Variants in COPG2 observed in about 807,000 individuals in gnomAD.
The protein encoded by COPG2 is coat protein complex I subunit gamma 2.
Under a neutral mutation model 46.3 loss-of-function variants are expected in COPG2, and 37 were observed. That is an observed-to-expected ratio of 0.80 (90% CI 0.61 to 1.05). COPG2 has a LOEUF of 1.05. COPG2 is among the 50% of genes least tolerant of loss of function. The probability of loss-of-function intolerance (pLI) is 0.00; values close to 1 mark genes in which losing one functional copy is unlikely to be tolerated. For synonymous variants in COPG2, 159 were observed against 129.7 expected (o/e 1.23, Z -1.53); for missense variants, 427 against 387.8 (o/e 1.10, Z -0.85).
At chr7:130,554,945 T>C (rs1303105575) in intron 13 of COPG2, 92 bp downstream of exon 13, 14 of 397,658 alleles carry the variant, frequency 3.5e-5, no homozygotes, top group Non-Finnish European at 5.8e-5. Context: ...CATACTGAGA[T>C]GATAAGGAAA....
chr7:130,638,669 G>T (rs1399079291), intron 5 of COPG2, among the ~76,000 whole-genome samples: 4 of 152,150 alleles, frequency 2.6e-5, no homozygotes, highest in Non-Finnish European at 5.9e-5. Flanking sequence ...TGGGCTCCGT[G>T]GGGGTGGGAT....
intron 9 of COPG2, among the ~76,000 whole-genome samples, chr7:130,600,078 T>G (rs1407285848): frequency 7.9e-5 from 12 of 152,326 alleles, no homozygotes; most frequent in Admixed American, 7.8e-4. Context: ...ATTTCTCAGT[T>G]TCTGAGACAG....
chr7:130,633,200 A>G (rs1211548707), intron 5 of COPG2, among the ~76,000 whole-genome samples: 1 of 152,206 alleles, frequency 6.6e-6, no homozygotes, highest in Admixed American at 6.5e-5. Context: ...TGCTGCAATA[A>G]ACATACATGT....
chr7:130,530,771 G>A (rs1430007681), intron 20 of COPG2, among the ~76,000 whole-genome samples: 14 of 152,136 alleles, frequency 9.2e-5, no homozygotes, highest in Admixed American at 6.5e-4. Context: ...AAGACAGACA[G>A]GGTGGAGGGG....
intron 9 of COPG2, among the ~76,000 whole-genome samples, chr7:130,582,651 G>GAA (rs1230306126): frequency 9.5e-6 from 1 of 105,042 alleles, no homozygotes; most frequent in African/African-American, 3.3e-5. Context: ...AAATTTACAA[G>GAA]AAAAAAACAA....
At chr7:130,580,296 A>G (rs1376224684) in intron 9 of COPG2, among the ~76,000 whole-genome samples, 7 of 146,586 alleles carry the variant, frequency 4.8e-5, no homozygotes, top group Admixed American at 3.4e-4. Flanking sequence ...TTTGAAACCA[A>G]CGAGAACAAA....
chr7:130,649,420 C>T (rs1795686503), intron 5 of COPG2, among the ~76,000 whole-genome samples: 1 of 152,166 alleles, frequency 6.6e-6, no homozygotes, highest in Admixed American at 6.5e-5. Flanking sequence ...CAAAAAGAAA[C>T]TAGGCCATAA....
intron 23 of COPG2, 53 bp downstream of exon 23, chr7:130,507,221 T>TATTA: frequency 1.3e-6 from 1 of 778,480 alleles, no homozygotes; most frequent in Non-Finnish European, 2.4e-6. Flanking sequence ...ATCTATATCC[T>TATTA]ATTATTAAGC....
At chr7:130,625,826 GA>G (rs1268184290) in intron 5 of COPG2, among the ~76,000 whole-genome samples, 1 of 151,104 alleles carries the variant, frequency 6.6e-6, no homozygotes, top group Non-Finnish European at 1.5e-5. Context: ...GCTTTCTTTT[GA>G]ATTACTTTGT....
intron 20 of COPG2, among the ~76,000 whole-genome samples, chr7:130,530,861 G>A (rs1799818060): frequency 6.6e-6 from 1 of 151,788 alleles, no homozygotes. Flanking sequence ...GAGGTGAAGG[G>A]GCAGGTCCCA....
intron 20 of COPG2, among the ~76,000 whole-genome samples, chr7:130,513,324 T>A (rs1191859824): frequency 6.8e-4 from 34 of 49,708 alleles, no homozygotes; most frequent in East Asian, 2.6e-3. Context: ...TATATATATA[T>A]ATATATATAT....
At position 130,638,577 on chromosome 7, in the gene COPG2, C is replaced by A. The variant is rs185091251; in HGVS notation, c.323+14292G>T. Among the ~76,000 whole-genome samples, 13 of 152,230 alleles carry A rather than the reference C, an allele frequency of 8.5e-5. No homozygotes were observed. The East Asian group carries it at 1.4e-3, about 16-fold the overall frequency. ...CAGTAATGGCAGACACCCCTCCCCC[C>A]ACACCAAGCTCAAGTATCCCAGGTC... is the stretch of plus-strand genomic sequence containing the variant. On this transcript the variant is annotated intron_variant, in intron 5 of 23. Coordinates refer to ENST00000425248, the MANE Select transcript of COPG2 (RefSeq NM_012133.6).
In COPG2 at chr7:130,577,783, A is replaced by C. The variant is rs1430550356; in HGVS notation, c.738-13390T>G. Reference sequence around the variant, plus strand: ...ACTCCGTCTCAAAAAAAAAAAAAAAAAAAAACAAAAAAAAAAAACAGCCCA... The same window carrying C: ...ACTCCGTCTCAAAAAAAAAAAAAAACAAAAACAAAAAAAAAAAACAGCCCA... On this transcript the variant is annotated intron_variant, in intron 9 of 23. Coordinates refer to ENST00000425248, the MANE Select transcript of COPG2 (RefSeq NM_012133.6). Among the ~76,000 whole-genome samples the C allele has an allele frequency of 2.8e-3, 417 of 150,946 alleles. 1 individual carries two copies. Among genetic ancestry groups the C allele is most frequent in the Non-Finnish European group, 3.7e-3 (250 of 67,764 alleles).
At chr7:130,616,454 G>A (rs1240532464) in intron 6 of COPG2, among the ~76,000 whole-genome samples, 2 of 152,170 alleles carry the variant, frequency 1.3e-5, no homozygotes, top group Non-Finnish European at 2.9e-5. Flanking sequence ...GCCAGGTGTG[G>A]TGGTGGGTGC....
At position 130,662,977 on chromosome 7, in the gene COPG2, T is replaced by G; in HGVS notation, c.233A>C (p.Gln78Pro). ...TTTAAAAAGACTTACATCATTAGATTGAAACAATCGCGTCATTGCAAAGAA... is the reference window on the plus strand; with the variant it reads ...TTTAAAAAGACTTACATCATTAGATGGAAACAATCGCGTCATTGCAAAGAA... ...EAFFAMTRLF[Q>P]SNDQTLRRMC... The change falls in exon 4 of 24, where the codon CAA becomes CCA. Residue 78 changes from glutamine (Q) to proline (P), a missense_variant. Coordinates refer to ENST00000425248, the MANE Select transcript of COPG2 (RefSeq NM_012133.6). 1 of 1,545,700 alleles carries G rather than the reference T, an allele frequency of 6.5e-7. No individual in the cohort carries two copies. Among genetic ancestry groups the G allele is most frequent in the Non-Finnish European group, 8.7e-7 (1 of 1,144,292 alleles).
At chr7:130,515,847 G>T (rs1363873614) in intron 20 of COPG2, among the ~76,000 whole-genome samples, 1 of 152,092 alleles carries the variant, frequency 6.6e-6, no homozygotes, top group African/African-American at 2.4e-5. Context: ...CTGGGACAGG[G>T]AGAGTAGCAA....
In COPG2 at chr7:130,668,683, C is replaced by T. The variant is rs547206164; in HGVS notation, c.-15G>A. On this transcript the variant is annotated 5_prime_UTR_variant, in exon 1 of 24. Transcript: ENST00000425248. ...TTTTTAATCATCTTGGACGACTTCCCAGCGCCCAGACCCACCGCAACCGTC... is the reference window on the plus strand; with the variant it reads ...TTTTTAATCATCTTGGACGACTTCCTAGCGCCCAGACCCACCGCAACCGTC... 11 of 1,533,372 alleles carry T rather than the reference C, an allele frequency of 7.2e-6. No individual in the cohort carries two copies. Among genetic ancestry groups the T allele is most frequent in the Non-Finnish European group, 8.8e-6 (10 of 1,141,548 alleles). 95.0% of individuals were successfully genotyped at this position (1,533,372 alleles called of 1,614,324 possible).
rs1175229029 is a variant in COPG2 at position 130,555,114 on chromosome 7, T to C, written c.1147A>G (p.Ile383Val). 7.5e-6 allele frequency: 3 copies of C among 398,428 alleles called. No homozygotes were observed. Among genetic ancestry groups the C allele is most frequent in the East Asian group, 3.6e-5 (1 of 28,076 alleles). The allele number at this position is 398,428 out of a possible 1,614,324, so 24.7% of individuals were successfully genotyped here. ...DEFKVVVVQA[I>V]SALCQKYPRK... ...GGGTATTTCTGACAGAGAGCACTAA[T>C]TGCCTGTACAACCACCACCTGTAGA... The change falls in exon 13 of 24, where the codon ATT (isoleucine) becomes GTT (valine). Residue 383 changes from isoleucine to valine, a missense_variant. Ile to Val is a conservative substitution (Grantham distance 29). Coordinates refer to ENST00000425248, the MANE Select transcript of COPG2 (RefSeq NM_012133.6).
chr7:130,619,228 T>G (rs572645363), intron 5 of COPG2, among the ~76,000 whole-genome samples: 1 of 152,288 alleles, frequency 6.6e-6, no homozygotes, highest in African/African-American at 2.4e-5. Flanking sequence ...GCACTTGAAA[T>G]ATAGCTAGTG....
Sources: allele counts gnomAD v4.1 joint callset (sites outside exome capture counted in the v4.1 genomes callset), GRCh38; gene constraint gnomAD v4.1.1; transcripts MANE v1.5; gene names NCBI Gene and HGNC (gene_info 2026-07-23, HGNC 2026-07-21).